The following MYO7B variants were observed in gnomAD, a reference collection of about 807,000 sequenced individuals.
MYO7B encodes the protein unconventional myosin-VIIb.
In MYO7B, 212 loss-of-function variants were observed where a neutral mutation model predicts 259.7. That is an observed-to-expected ratio of 0.82 (90% CI 0.73 to 0.91). The LOEUF (loss-of-function observed/expected upper bound fraction) is 0.91, where lower values mean the gene tolerates loss of function less well. Ranked by LOEUF, MYO7B falls within the 40% of genes least tolerant of loss-of-function variation. The pLI is 0.00. For synonymous variants in MYO7B, 1,197 were observed against 1,166.4 expected, an observed-to-expected ratio of 1.03 and a Z score of -0.54; for missense variants, 2,732 against 2,813.5, an observed-to-expected ratio of 0.97 and a Z score of 0.66.
At chr2:127,619,457 G>A (rs1397886406) in intron 26 of MYO7B, among the ~76,000 whole-genome samples, 1 of 151,992 alleles carries the variant, frequency 6.6e-6, no homozygotes, top group Non-Finnish European at 1.5e-5. Flanking sequence ...AGGGCTCCAG[G>A]ATGACCCCCA....
rs1038644881 is a variant in MYO7B, at chr2:127,538,392, C to A, written c.-24+2561C>A. 4.9e-4 allele frequency among the ~76,000 whole-genome samples: 74 copies of A among 152,104 alleles called. 1 individual carries two copies. Among genetic ancestry groups the A allele is most frequent in the Admixed American group, 2.6e-4 (4 of 15,276 alleles). On this transcript the variant is annotated intron_variant, in intron 1 of 47. Transcript: ENST00000409816. ...AGCACTTGAAGTGTGGCTAGTGCAA[C>A]TGAGGGTCTGAATTTTTAATTCAGC...
rs1048413779 is a variant in MYO7B, at chr2:127,635,833, A to G, written c.5932A>G (p.Ser1978Gly). The change falls in exon 44 of 48, where the codon AGT becomes GGT. Residue 1978 changes from serine (S) to glycine (G), a missense_variant. Physicochemically the swap from Ser to Gly is moderately conservative, Grantham distance 56 (BLOSUM62 0). Transcript: ENST00000409816. ...QFNNDRSQLA[S>G]VPKILRELVP... is the part of the protein sequence containing the mutation. ...CAACAACGACCGGTCCCAGCTGGCT[A>G]GTGTCCCCAAGATCCTGAGGGAACT... is the stretch of plus-strand genomic sequence containing the variant. The G allele has an allele frequency of 1.3e-6, 2 of 1,584,962 alleles. No individual in the cohort carries two copies. Among genetic ancestry groups the G allele is most frequent in the East Asian group, 2.3e-5 (1 of 43,000 alleles).
At chr2:127,605,660 G>T (rs1349190057) in intron 19 of MYO7B, among the ~76,000 whole-genome samples, 184 bp from the exon 20 acceptor site, 1 of 152,202 alleles carries the variant, frequency 6.6e-6, no homozygotes, top group African/African-American at 2.4e-5. Flanking sequence ...GCTGATAGTA[G>T]ATTTTTTGTT....
At chr2:127,623,611 G>A (rs138721409) in intron 29 of MYO7B, among the ~76,000 whole-genome samples, 173 of 152,278 alleles carry the variant, frequency 1.1e-3, no homozygotes, top group Non-Finnish European at 2.0e-3. Flanking sequence ...AGCCCCAGCA[G>A]TGCCGCATGC....
In MYO7B at chr2:127,634,643, G is replaced by C; in HGVS notation, c.5673G>C (p.Glu1891Asp). Reference protein sequence around the residue: ...EGDFFFDSLREVSDWVKKNKP... With the variant: ...EGDFFFDSLRDVSDWVKKNKP... The stretch of plus-strand genomic sequence containing the variant: ...ACTTCTTCTTTGATTCCTTGAGGGA[G>C]GTGTCTGACTGGGTGAAGAAGAACA... Residue 1891 changes from glutamate (E) to aspartate (D), a missense_variant, in exon 42 of 48, where the codon GAG becomes GAC. Physicochemically the swap from Glu to Asp is conservative, Grantham distance 45. This residue lies in a region of MYO7B where 821 missense variants were observed against 769.3 expected (regional missense o/e 1.07). Coordinates refer to ENST00000409816, the MANE Select transcript of MYO7B (RefSeq NM_001393586.1). 6.2e-7 allele frequency: 1 copy of C among 1,612,576 alleles called. No homozygotes were observed. Among genetic ancestry groups the C allele is most frequent in the East Asian group, 2.2e-5 (1 of 44,882 alleles).
intron 35 of MYO7B, 32 bp from the exon 36 acceptor site, chr2:127,630,746 C>T (rs550510987): frequency 1.2e-6 from 2 of 1,609,278 alleles, no homozygotes; most frequent in East Asian, 4.5e-5. Flanking sequence ...GGCGGTGGCT[C>T]CTGGGCACCC....
rs1294544909 is a variant in MYO7B at position 127,633,297 on chromosome 2, G to GGAGGCC, written c.5447_5452dup (p.Glu1816_Ala1817dup). 3 of 1,612,522 alleles carry GGAGGCC rather than the reference G, an allele frequency of 1.9e-6. No homozygotes were observed. The highest frequency in any genetic ancestry group is 2.7e-5 in the African/African-American group (2 of 74,916). On this transcript the variant is annotated inframe_insertion, in exon 40 of 48. Transcript: ENST00000409816. ...AGCAGCCCCCGCACCAGGTGGAGGT[G>GGAGGCC]GAGGCCGCAGAGCAGAACGTCTCCC...
intron 27 of MYO7B, among the ~76,000 whole-genome samples, chr2:127,621,428 T>C (rs1483110956): frequency 3.9e-5 from 6 of 152,086 alleles, no homozygotes; most frequent in Non-Finnish European, 7.4e-5. Context: ...ACCAGGCTAA[T>C]TTTTGTATTT....
In MYO7B at chr2:127,610,057, A is replaced by C. The variant is rs1553454836; in HGVS notation, c.3192+41A>C. The C allele has an allele frequency of 2.5e-6, 4 of 1,594,422 alleles. No individual in the cohort carries two copies. The South Asian group carries it at 3.3e-5, about 13-fold the overall frequency. On this transcript the variant is annotated intron_variant, in intron 24 of 47. Transcript: ENST00000409816. ...CAGCGGGCAGAGGAGGGCGACACCT[A>C]CCAGGTGCCTACCAGGGCCCAGTCC... is the stretch of plus-strand genomic sequence containing the variant.
At position 127,624,148 on chromosome 2, in the gene MYO7B, A is replaced by G. The variant is rs1174700381; in HGVS notation, c.3875A>G (p.Glu1292Gly). ...DHMMDAIARC[E>G]QMAQERGESQ... ...ATGATGGATGCCATCGCCCGGTGTG[A>G]GCAGATGGCCCAGGAGAGGGGCGAG... Residue 1292 changes from glutamate (E) to glycine (G), a missense_variant, in exon 30 of 48, where the codon GAG becomes GGG. This residue lies in a region of MYO7B where 1,906 missense variants were observed against 2,026.4 expected (regional missense o/e 0.94). Coordinates refer to ENST00000409816, the MANE Select transcript of MYO7B (RefSeq NM_001393586.1). 1 of 1,595,318 alleles carries G rather than the reference A, an allele frequency of 6.3e-7. No homozygotes were observed. Among genetic ancestry groups the G allele is most frequent in the Non-Finnish European group, 8.5e-7 (1 of 1,171,714 alleles).
At chr2:127,606,313 T>C (rs2105021144) in intron 20 of MYO7B, among the ~76,000 whole-genome samples, 1 of 152,348 alleles carries the variant, frequency 6.6e-6, no homozygotes, top group South Asian at 2.1e-4. Context: ...CCACGGGCAT[T>C]TGCTAATGAG....
intron 1 of MYO7B, among the ~76,000 whole-genome samples, chr2:127,549,492 C>A (rs750681614): frequency 2.0e-5 from 3 of 152,102 alleles, no homozygotes; most frequent in Non-Finnish European, 2.9e-5. Flanking sequence ...TAATTGGGAG[C>A]CTCAAGTTTT....
intron 18 of MYO7B, 78 bp downstream of exon 18, chr2:127,593,722 TC>T (rs1679660085): frequency 6.2e-6 from 8 of 1,298,768 alleles, no homozygotes; most frequent in Non-Finnish European, 8.8e-6. Flanking sequence ...AGGCCCGGGG[TC>T]CATGGTCCAT....
rs935695652 is a variant in MYO7B at position 127,576,232 on chromosome 2, C to T, written c.736-363C>T. Among the ~76,000 whole-genome samples the T allele has an allele frequency of 4.6e-5, 7 of 152,042 alleles. No homozygotes were observed. The highest frequency in any genetic ancestry group is 1.3e-4 in the Admixed American group (2 of 15,268). ...AAAAAATACTGAAGGCCTAGGGAGC[C>T]CCGTGGCTGTCAGATCTCTCGTGGG... On this transcript the variant is annotated intron_variant, in intron 7 of 47. Transcript: ENST00000409816. The surrounding 1 kb of genome is among the most constrained non-coding windows in gnomAD (Gnocchi z 4.9).
rs1361075434 is a variant in MYO7B at position 127,609,375 on chromosome 2, T to C, written c.2815-131T>C. 1 of 791,580 alleles carries C rather than the reference T, an allele frequency of 1.3e-6. No individual in the cohort carries two copies. The highest frequency in any genetic ancestry group is 1.7e-5 in the African/African-American group (1 of 58,270). The allele number at this position is 791,580 out of a possible 1,614,324, so 49.0% of individuals were successfully genotyped here. A position where few individuals can be genotyped will look rare whatever the true frequency, so the allele number is the denominator to read the frequency against. ...TGAGCCCACTGAATGTGGGGATGGG[T>C]GGTCTCCAGCACCTGAGGGATCAGG... On this transcript the variant is annotated intron_variant, in intron 22 of 47. Transcript: ENST00000409816. The surrounding 1 kb of genome is among the most constrained non-coding windows in gnomAD (Gnocchi z 6.9).
In MYO7B at chr2:127,631,108, C is replaced by T. The variant is rs1343626918; in HGVS notation, c.4938-98C>T. 10 of 1,449,068 alleles carry T rather than the reference C, an allele frequency of 6.9e-6. No homozygotes were observed. In the African/African-American group the frequency reaches 1.1e-4, roughly 16 times the overall value. The allele number at this position is 1,449,068 out of a possible 1,614,324, so 89.8% of individuals were successfully genotyped here. ...GGGGCTTGCGGCAGGGTGGGGTGCT[C>T]TGGCCCTCCCACAGCCACTCAGGGG... On this transcript the variant is annotated intron_variant, in intron 36 of 47. Transcript: ENST00000409816.
Position 127,636,978 on chromosome 2 carries a change from C to T in MYO7B, c.6327+65C>T. 1 of 1,593,486 alleles carries T rather than the reference C, an allele frequency of 6.3e-7. No individual in the cohort carries two copies. The highest frequency in any genetic ancestry group is 1.1e-5 in the South Asian group (1 of 90,090). On this transcript the variant is annotated intron_variant, in intron 47 of 47. Transcript: ENST00000409816. This position sits in a 1 kb window ranked among gnomAD's most constrained non-coding sequence, Gnocchi z 4.5. Reference sequence around the variant, plus strand: ...CAGAGCTGCTGGAGACTGGGTTCCCCACCCTCACCCCTTTCAAGTGGCTCA... The same window carrying T: ...CAGAGCTGCTGGAGACTGGGTTCCCTACCCTCACCCCTTTCAAGTGGCTCA...
chr2:127,618,485 C>A (rs2105064958), intron 26 of MYO7B, among the ~76,000 whole-genome samples: 1 of 152,258 alleles, frequency 6.6e-6, no homozygotes, highest in East Asian at 1.9e-4. Context: ...TTCAGGTGTG[C>A]CCTGTAGATA....
At position 127,581,959 on chromosome 2, in the gene MYO7B, C is replaced by G; in HGVS notation, c.1149C>G (p.Thr383=). ...TCCTCATCCGAGGGGAATTTGTCACCAGGTCCCTGAACATTGCCCAGGCTG... is the reference window on the plus strand; with the variant it reads ...TCCTCATCCGAGGGGAATTTGTCACGAGGTCCCTGAACATTGCCCAGGCTG... ...HTILIRGEFV[T]RSLNIAQAAD... The change falls in exon 11 of 48, where the codon ACC becomes ACG. Residue 383 remains threonine (T), a synonymous_variant. Transcript: ENST00000409816. 1 of 1,613,952 alleles carries G rather than the reference C, an allele frequency of 6.2e-7. No individual in the cohort carries two copies. Among genetic ancestry groups the G allele is most frequent in the Non-Finnish European group, 8.5e-7 (1 of 1,179,886 alleles).
Sources: allele counts gnomAD v4.1 joint callset (sites outside exome capture counted in the v4.1 genomes callset), GRCh38; gene constraint gnomAD v4.1.1; regional missense constraint gnomAD v4.1.1; non-coding constraint Gnocchi (gnomAD v3.1); transcripts MANE v1.5; gene names NCBI Gene and HGNC (gene_info 2026-07-23, HGNC 2026-07-21).